MYO15A: variants seen among roughly 807,000 people sequenced by gnomAD.
The protein encoded by MYO15A is unconventional myosin-XV.
MYO15A carries 308 observed loss-of-function variants against 394.6 expected under a neutral mutation model. The observed-to-expected ratio is 0.78, with a 90% CI of 0.71 to 0.86. The LOEUF is 0.86. MYO15A is among the 40% of genes least tolerant of loss of function. MYO15A has a pLI of 0.00. For missense variants in MYO15A, 4,606 were observed against 4,799.1 expected, an observed-to-expected ratio of 0.96 and a Z score of 1.19; for synonymous variants, 1,957 against 2,003.8, an observed-to-expected ratio of 0.98 and a Z score of 0.62.
chr17:18,171,129 G>A (rs996792192), intron 62 of MYO15A, among the ~76,000 whole-genome samples: 1 of 152,228 alleles, frequency 6.6e-6, no homozygotes, highest in South Asian at 2.1e-4. Context: ...GTAGCAGCCA[G>A]CGTATGTCAG....
At chr17:18,141,881 T>C (rs2142340333) in intron 23 of MYO15A, 111 bp downstream of exon 23, 1 of 1,283,712 alleles carries the variant, frequency 7.8e-7, no homozygotes, top group South Asian at 1.2e-5. Flanking sequence ...GCAACCCAGA[T>C]GAGCTTGGGA....
Position 18,153,197 on chromosome 17 carries a change from A to G in MYO15A, c.7967-578A>G, listed in dbSNP as rs1410476097. On this transcript the variant is annotated intron_variant, in intron 42 of 65. Coordinates refer to ENST00000647165, the MANE Select transcript of MYO15A (RefSeq NM_016239.4). The surrounding 1 kb of genome is among the most constrained non-coding windows in gnomAD (Gnocchi z 4.1). ...GGCGGGCGGATCACAAGGTCAAGAG[A>G]TCAAGACCATCCTGGCCAATATGGT... is the stretch of plus-strand genomic sequence containing the variant. Among the ~76,000 whole-genome samples, 1 of 151,398 alleles carries G rather than the reference A, an allele frequency of 6.6e-6. No homozygotes were observed. Among genetic ancestry groups the G allele is most frequent in the East Asian group, 1.9e-4 (1 of 5,154 alleles).
At chr17:18,131,444 A>AGCTGACT (rs2046162902) in intron 9 of MYO15A, 24 bp from the exon 10 acceptor site, 3 of 1,613,296 alleles carry the variant, frequency 1.9e-6, no homozygotes, top group Non-Finnish European at 2.5e-6. Flanking sequence ...CCTCACTGAG[A>AGCTGACT]GCTGACTGTG....
At chr17:18,169,687 C>T (rs2046911521) in intron 62 of MYO15A, 1 of 151,970 alleles carries the variant, frequency 6.6e-6, no homozygotes, top group Non-Finnish European at 1.5e-5. Flanking sequence ...TGGGTTATAT[C>T]AATGAATATA....
rs1396638365 is a variant in MYO15A, at chr17:18,150,555, C to A, written c.7327+12C>A. On this transcript the variant is annotated intron_variant, in intron 36 of 65. Coordinates refer to ENST00000647165, the MANE Select transcript of MYO15A (RefSeq NM_016239.4). This position sits in a 1 kb window ranked among gnomAD's most constrained non-coding sequence, Gnocchi z 4.4. ...AGAGCCAAAGCCAAGTCAGTGCCTC[C>A]CCAGGGTGGTTCCAGGGTTGGGCAG... The A allele has an allele frequency of 6.2e-7, 1 of 1,613,998 alleles. No individual in the cohort carries two copies.
rs1233928409 is a variant in MYO15A, at chr17:18,121,069, T to C, written c.2269T>C (p.Phe757Leu). Residue 757 changes from phenylalanine (F) to leucine (L), a missense_variant, in exon 2 of 66, where the codon TTC becomes CTC. Coordinates refer to ENST00000647165, the MANE Select transcript of MYO15A (RefSeq NM_016239.4). The surrounding 1 kb of genome is among the most constrained non-coding windows in gnomAD (Gnocchi z 5.3). Reference protein sequence around the residue: ...GSRRRGAAFGFPGASPRASRR... With the variant: ...GSRRRGAAFGLPGASPRASRR... ...CCGCCGGAGAGGGGCGGCTTTCGGC[T>C]TCCCCGGGGCCTCTCCACGGGCGTC... 2 of 1,506,466 alleles carry C rather than the reference T, an allele frequency of 1.3e-6. No homozygotes were observed. Among genetic ancestry groups the C allele is most frequent in the Non-Finnish European group, 1.8e-6 (2 of 1,132,340 alleles). The allele number at this position is 1,506,466 out of a possible 1,614,324, so 93.3% of individuals were successfully genotyped here.
rs1567641635 is a variant in MYO15A at position 18,138,803 on chromosome 17, G to GC, written c.5008-3dup. ...CTGCCCACCCACTGATCCCTAAATT[G>GC]CCCCCAGGCTACAGACCACACCTTC... is the stretch of plus-strand genomic sequence containing the variant. On this transcript the variant is annotated splice_region_variant and splice_polypyrimidine_tract_variant and intron_variant, in intron 17 of 65. Transcript: ENST00000647165. The GC allele has an allele frequency of 6.2e-7, 1 of 1,613,538 alleles. No individual in the cohort carries two copies. Among genetic ancestry groups the GC allele is most frequent in the South Asian group, 1.1e-5 (1 of 90,956 alleles).
intron 3 of MYO15A, 184 bp downstream of exon 3, chr17:18,124,749 C>T: frequency 1.6e-6 from 1 of 636,926 alleles, no homozygotes; most frequent in South Asian, 1.9e-5. Context: ...GGTTCAAATC[C>T]TAGCCCCACC....
chr17:18,146,184 G>A, intron 30 of MYO15A, 77 bp downstream of exon 30: 2 of 1,441,460 alleles, frequency 1.4e-6, no homozygotes. Flanking sequence ...GGTCTTAAAG[G>A]TCAGGCCAGG....
In MYO15A at chr17:18,158,324, CA is replaced by C. The variant is rs2046718639; in HGVS notation, c.8968-198del. 7 of 582,876 alleles carry C rather than the reference CA, an allele frequency of 1.2e-5. No homozygotes were observed. In the Admixed American group the frequency reaches 2.3e-4, roughly 19 times the overall value. 36.1% of individuals were successfully genotyped at this position (582,876 alleles called of 1,614,324 possible). On this transcript the variant is annotated intron_variant, in intron 51 of 65. Transcript: ENST00000647165. ...GGCGTGGCCAAGTGGGGCAGGGAGC[CA>C]GGTTAGCACAGCAAGTAAAAGGCGT...
Position 18,171,748 on chromosome 17 carries a change from A to G in MYO15A, c.10193A>G (p.His3398Arg). 6.2e-7 allele frequency: 1 copy of G among 1,611,208 alleles called. No individual in the cohort carries two copies. Among genetic ancestry groups the G allele is most frequent in the Non-Finnish European group, 8.5e-7 (1 of 1,179,872 alleles). Reference sequence around the variant, plus strand: ...CAGCAGACACAGGCGCTCAGCCCCCACCAGGCCCGTGCCCAGTTTCTGGGT... The same window carrying G: ...CAGCAGACACAGGCGCTCAGCCCCCGCCAGGCCCGTGCCCAGTTTCTGGGT... ...HRQQTQALSP[H>R]QARAQFLGLL... The change falls in exon 63 of 66, where the codon CAC (histidine) becomes CGC (arginine). Residue 3398 changes from histidine to arginine, a missense_variant. Around this residue, in one of 2 missense-constraint regions of MYO15A, gnomAD observed 2,776 missense variants for 3,109.3 expected, o/e 0.89. Transcript: ENST00000647165.
rs369442352 is a variant in MYO15A at position 18,118,965 on chromosome 17, C to T, written c.165C>T (p.Ser55=). 11 of 1,613,196 alleles carry T rather than the reference C, an allele frequency of 6.8e-6. No individual in the cohort carries two copies. Among genetic ancestry groups the T allele is most frequent in the Admixed American group, 5.0e-5 (3 of 59,988 alleles). ...TCTCCAAGAAGGGCCAGTTCCGCAGCGCCTCGGCCTTCTTCTGGGGCCTCC... is the reference window on the plus strand; with the variant it reads ...TCTCCAAGAAGGGCCAGTTCCGCAGTGCCTCGGCCTTCTTCTGGGGCCTCC... ...PKISKKGQFR[S]ASAFFWGLHT... The change falls in exon 2 of 66, where the codon AGC becomes AGT. Residue 55 remains serine, a synonymous_variant. Transcript: ENST00000647165.
At position 18,138,104 on chromosome 17, in the gene MYO15A, A is replaced by C; in HGVS notation, c.4876-11A>C. On this transcript the variant is annotated splice_polypyrimidine_tract_variant and intron_variant, in intron 16 of 65. Coordinates refer to ENST00000647165, the MANE Select transcript of MYO15A (RefSeq NM_016239.4). ...ATGGGAGGTTGAGCTCCTGCTGCCC[A>C]CTGCCTGCAGGAGGAGTACATCCGT... The C allele has an allele frequency of 6.2e-7, 1 of 1,609,032 alleles. No homozygotes were observed. Among genetic ancestry groups the C allele is most frequent in the Non-Finnish European group, 8.5e-7 (1 of 1,180,000 alleles).
intron 25 of MYO15A, 104 bp downstream of exon 25, chr17:18,142,944 A>G (rs2046408319): frequency 9.5e-7 from 1 of 1,054,080 alleles, no homozygotes; most frequent in Non-Finnish European, 1.4e-6. Context: ...TTGGGTTCAA[A>G]TTCTGCCTCT....
Position 18,141,551 on chromosome 17 carries a change from A to G in MYO15A, c.5532-102A>G, listed in dbSNP as rs2046380825. ...AACTATTTGTGGAGCCACCACTGGG[A>G]CCAGGCTTTTTGGACACCTGGCTGG... On this transcript the variant is annotated intron_variant, in intron 22 of 65. Coordinates refer to ENST00000647165, the MANE Select transcript of MYO15A (RefSeq NM_016239.4). 5 of 1,108,240 alleles carry G rather than the reference A, an allele frequency of 4.5e-6. No individual in the cohort carries two copies. In the East Asian group the frequency reaches 1.2e-4, roughly 26 times the overall value. The allele number at this position is 1,108,240 out of a possible 1,614,324, so 68.7% of individuals were successfully genotyped here. A position where few individuals can be genotyped will look rare whatever the true frequency, so the allele number is the denominator to read the frequency against.
chr17:18,139,948 C>CCATTCT (rs1234236181), intron 19 of MYO15A, among the ~76,000 whole-genome samples: 1 of 152,236 alleles, frequency 6.6e-6, no homozygotes, highest in East Asian at 1.9e-4. Flanking sequence ...ATTCCCTGGC[C>CCATTCT]CATTCTTTCC....
At chr17:18,173,660 TG>T in intron 64 of MYO15A, 120 bp from the exon 65 acceptor site, 1 of 1,348,060 alleles carries the variant, frequency 7.4e-7, no homozygotes, top group Non-Finnish European at 1.1e-6. Context: ...ACTGGGGAAC[TG>T]GTACTTGAAC....
In MYO15A at chr17:18,144,564, A is replaced by G; in HGVS notation, c.6245A>G (p.His2082Arg). Reference sequence around the variant, plus strand: ...CTCACGCAGCTGCCAGCCGAGCACCATGCAGAAGCCGTGAGCATCTTCAAG... The same window carrying G: ...CTCACGCAGCTGCCAGCCGAGCACCGTGCAGAAGCCGTGAGCATCTTCAAG... ...TPLTQLPAEH[H>R]AEAVSIFKLI... Residue 2082 changes from histidine to arginine, a missense_variant, in exon 29 of 66, where the codon CAT (histidine) becomes CGT (arginine). By Grantham distance (29) the His-to-Arg change is conservative (BLOSUM62 0). Coordinates refer to ENST00000647165, the MANE Select transcript of MYO15A (RefSeq NM_016239.4). The G allele has an allele frequency of 6.2e-7, 1 of 1,613,124 alleles. No individual in the cohort carries two copies. Among genetic ancestry groups the G allele is most frequent in the Non-Finnish European group, 8.5e-7 (1 of 1,180,016 alleles).
Position 18,149,531 on chromosome 17 carries a change from A to G in MYO15A, c.7163A>G (p.Asp2388Gly). 1 of 1,614,192 alleles carries G rather than the reference A, an allele frequency of 6.2e-7. No homozygotes were observed. Among genetic ancestry groups the G allele is most frequent in the Non-Finnish European group, 8.5e-7 (1 of 1,180,014 alleles). Residue 2388 changes from aspartate (D) to glycine (G), a missense_variant, in exon 35 of 66, where the codon GAC becomes GGC. By Grantham distance (94) the Asp-to-Gly change is moderately conservative. This residue lies in a region of MYO15A where 2,776 missense variants were observed against 3,109.3 expected (regional missense o/e 0.89). Coordinates refer to ENST00000647165, the MANE Select transcript of MYO15A (RefSeq NM_016239.4). Reference protein sequence around the residue: ...GEPAVPHKGLDCYLDSLFDPV... With the variant: ...GEPAVPHKGLGCYLDSLFDPV... ...CCTGCTGTGCCCCACAAGGGGCTGG[A>G]CTGCTACCTGGATAGCCTCTTTGAC... is the stretch of plus-strand genomic sequence containing the variant.
Sources: gnomAD v4.1 joint callset for allele counts (sites outside exome capture counted in the v4.1 genomes callset) on GRCh38, gnomAD v4.1.1 for gene constraint, gnomAD v4.1.1 regional missense constraint, Gnocchi (gnomAD v3.1) non-coding constraint, MANE v1.5 for transcripts, NCBI Gene and HGNC (gene_info 2026-07-23, HGNC 2026-07-21) for gene names.